The following KATNAL1 variants were observed in gnomAD, a reference collection of about 807,000 sequenced individuals.
KATNAL1 encodes the protein katanin p60 ATPase-containing subunit A-like 1.
Under a neutral mutation model 55.2 loss-of-function variants are expected in KATNAL1, and 32 were observed. That is an observed-to-expected ratio of 0.58 (90% CI 0.44 to 0.78). The LOEUF is 0.78. Ranked by LOEUF, KATNAL1 falls within the 30% of genes least tolerant of loss-of-function variation. The pLI is 0.00. For missense variants in KATNAL1, 466 were observed against 600.9 expected (o/e 0.78, Z 2.35); for synonymous variants, 193 against 193.6 (o/e 1.00, Z 0.02).
chr13:30,283,119 T>C (rs1042064622), intron 2 of KATNAL1, among the ~76,000 whole-genome samples: 1 of 150,118 alleles, frequency 6.7e-6, no homozygotes, highest in Admixed American at 6.6e-5. Flanking sequence ...AACACAAAAA[T>C]TAACTGGGCG....
At position 30,213,050 on chromosome 13, in the gene KATNAL1, A is replaced by G. The variant is rs575056976; in HGVS notation, c.1148-2608T>C. Among the ~76,000 whole-genome samples, 168 of 151,414 alleles carry G rather than the reference A, an allele frequency of 1.1e-3. 1 individual carries two copies. Among genetic ancestry groups the G allele is most frequent in the African/African-American group, 3.8e-3 (157 of 41,238 alleles). ...CCTATAGGCCAAGGAGAGAGGCCCC[A>G]GAGTGCAACCACCCTGCCTACACCT... On this transcript the variant is annotated intron_variant, in intron 9 of 10. Transcript: ENST00000380615.
At chr13:30,296,683 C>T in intron 1 of KATNAL1, 1 of 641,812 alleles carries the variant, frequency 1.6e-6, no homozygotes, top group Non-Finnish European at 3.0e-6. Flanking sequence ...GGCAGTGACA[C>T]AATTAAGCTC....
intron 4 of KATNAL1, among the ~76,000 whole-genome samples, chr13:30,248,595 C>T (rs1251356992): frequency 1.3e-5 from 2 of 152,228 alleles, no homozygotes; most frequent in Non-Finnish European, 2.9e-5. Context: ...GGCAAATATC[C>T]TGGGAAAATC....
chr13:30,253,258 C>T (rs1385338272), intron 4 of KATNAL1, among the ~76,000 whole-genome samples: 1 of 152,058 alleles, frequency 6.6e-6, no homozygotes, highest in Admixed American at 6.5e-5. Context: ...AACTGTAGTC[C>T]CCTCTGTTTC....
At chr13:30,274,906 C>CGCGCGCGT (rs1880711027) in intron 3 of KATNAL1, among the ~76,000 whole-genome samples, 1 of 77,282 alleles carries the variant, frequency 1.3e-5, no homozygotes, top group Non-Finnish European at 2.7e-5. Flanking sequence ...CGCGCGCGCG[C>CGCGCGCGT]GCACACACAC....
chr13:30,296,637 G>T, intron 1 of KATNAL1: 1 of 691,946 alleles, frequency 1.4e-6, no homozygotes, highest in Admixed American at 1.8e-5. Flanking sequence ...GTACACGGAC[G>T]AGCACAGGGA....
At chr13:30,282,931 G>C (rs1881484650) in intron 2 of KATNAL1, among the ~76,000 whole-genome samples, 1 of 147,810 alleles carries the variant, frequency 6.8e-6, no homozygotes, top group Non-Finnish European at 1.5e-5. Flanking sequence ...CTCCAGCCTG[G>C]GAAACAGAGT....
At chr13:30,297,883 G>T (rs1209481903) in intron 1 of KATNAL1, among the ~76,000 whole-genome samples, 11 of 152,160 alleles carry the variant, frequency 7.2e-5, no homozygotes, top group Admixed American at 7.2e-4. Flanking sequence ...AGGGAGGCAG[G>T]CAAGAGTTGG....
In KATNAL1 at chr13:30,215,255, C is replaced by A. The variant is rs943527938; in HGVS notation, c.1148-4813G>T. ...ATCTCACACCAGTTAGAATGGCAAT[C>A]ATTAAAAAGTCAGGAAACAACAGGT... On this transcript the variant is annotated intron_variant, in intron 9 of 10. Transcript: ENST00000380615. 1.9e-3 allele frequency among the ~76,000 whole-genome samples: 283 copies of A among 151,998 alleles called. 1 individual carries two copies. The highest frequency in any genetic ancestry group is 6.4e-3 in the African/African-American group (265 of 41,450).
intron 3 of KATNAL1, among the ~76,000 whole-genome samples, chr13:30,260,759 G>A (rs545151488): frequency 1.3e-5 from 2 of 148,608 alleles, no homozygotes; most frequent in Non-Finnish European, 3.0e-5. Context: ...GTACCTGAAA[G>A]TGACGGGAGA....
intron 1 of KATNAL1, among the ~76,000 whole-genome samples, chr13:30,292,569 T>C (rs925881097): frequency 2.0e-5 from 3 of 152,168 alleles, no homozygotes; most frequent in South Asian, 2.1e-4. Context: ...TAAGCAAACC[T>C]GACCTTTGCT....
intron 9 of KATNAL1, among the ~76,000 whole-genome samples, chr13:30,218,099 G>A (rs1874472010): frequency 6.6e-6 from 1 of 151,948 alleles, no homozygotes; most frequent in Non-Finnish European, 1.5e-5. Context: ...AGAAGCATGC[G>A]TGCAGCAGAA....
At chr13:30,268,249 A>T (rs1029090339) in intron 3 of KATNAL1, among the ~76,000 whole-genome samples, 5 of 152,234 alleles carry the variant, frequency 3.3e-5, no homozygotes, top group African/African-American at 1.2e-4. Context: ...TATTGAAATG[A>T]CTTGTTAAAC....
intron 6 of KATNAL1, among the ~76,000 whole-genome samples, chr13:30,236,719 C>T (rs1876725111): frequency 6.6e-6 from 1 of 152,186 alleles, no homozygotes. Flanking sequence ...TTTAGCATGG[C>T]ATGCAGGGCT....
chr13:30,280,299 G>C, intron 2 of KATNAL1, 76 bp from the exon 3 acceptor site: 2 of 1,163,948 alleles, frequency 1.7e-6, no homozygotes, highest in Non-Finnish European at 2.3e-6. Context: ...AATTACTATA[G>C]AGTGCACGTT....
intron 1 of KATNAL1, chr13:30,296,305 G>A (rs551471621): frequency 2.8e-5 from 34 of 1,202,604 alleles, no homozygotes; most frequent in Non-Finnish European, 3.3e-5. Context: ...TGTGCCCCAC[G>A]GAGATCACTG....
At chr13:30,223,651 G>A (rs1204192281) in intron 9 of KATNAL1, among the ~76,000 whole-genome samples, 1 of 152,010 alleles carries the variant, frequency 6.6e-6, no homozygotes, top group African/African-American at 2.4e-5. Flanking sequence ...CCGAGAAGAT[G>A]TAACAATGAT....
At chr13:30,218,480 G>T (rs1327601331) in intron 9 of KATNAL1, among the ~76,000 whole-genome samples, 15 of 152,036 alleles carry the variant, frequency 9.9e-5, no homozygotes, top group African/African-American at 3.6e-4. Flanking sequence ...ACAGCAAATT[G>T]TATTTACCAA....
intron 4 of KATNAL1, among the ~76,000 whole-genome samples, chr13:30,245,029 A>G (rs968769449): frequency 3.3e-5 from 5 of 151,690 alleles, no homozygotes; most frequent in African/African-American, 1.2e-4. Context: ...AAAAAAAAAA[A>G]GGGACTCTTC....
Sources: gnomAD v4.1 joint callset for allele counts (sites outside exome capture counted in the v4.1 genomes callset) on GRCh38, gnomAD v4.1.1 for gene constraint, MANE v1.5 for transcripts, NCBI Gene and HGNC (gene_info 2026-07-23, HGNC 2026-07-21) for gene names.